Variants in DIP2B observed in about 807,000 individuals in gnomAD.
DIP2B encodes the protein disco-interacting protein 2 homolog B.
DIP2B carries 76 observed loss-of-function variants against 198.0 expected under a neutral mutation model. The observed-to-expected ratio is 0.38, with a 90% CI of 0.32 to 0.46. The LOEUF is 0.46. Ranked by LOEUF, DIP2B falls within the 20% of genes least tolerant of loss-of-function variation. DIP2B has a pLI of 0.99. For synonymous variants in DIP2B, 701 were observed against 739.1 expected (o/e 0.95, Z 0.84); for missense variants, 1,559 against 1,978.4 (o/e 0.79, Z 4.02).
chr12:50,729,067 A>T (rs141396523), intron 30 of DIP2B, among the ~76,000 whole-genome samples: 1 of 152,212 alleles, frequency 6.6e-6, no homozygotes, highest in East Asian at 1.9e-4. Context: ...CAGCATGTGG[A>T]TGGAAAGTAG....
At chr12:50,583,061 A>G (rs1056029469) in intron 1 of DIP2B, among the ~76,000 whole-genome samples, 2 of 152,218 alleles carry the variant, frequency 1.3e-5, no homozygotes, top group Non-Finnish European at 1.5e-5. Context: ...CGTATACACA[A>G]AGTGTTAGTA....
intron 1 of DIP2B, among the ~76,000 whole-genome samples, chr12:50,614,504 G>GT (rs1235801054): frequency 6.6e-6 from 1 of 152,124 alleles, no homozygotes; most frequent in Non-Finnish European, 1.5e-5. Context: ...TCTCTCTCCT[G>GT]TTGCCTGCTG....
intron 1 of DIP2B, among the ~76,000 whole-genome samples, chr12:50,516,276 G>T (rs116577717): frequency 0.01 from 1,282 of 122,914 alleles, 11 homozygotes; most frequent in African/African-American, 0.039. Flanking sequence ...TCTCTATATC[G>T]AGAGAGTCTT....
At chr12:50,554,314 A>G (rs1158610791) in intron 1 of DIP2B, among the ~76,000 whole-genome samples, 1 of 152,176 alleles carries the variant, frequency 6.6e-6, no homozygotes, top group African/African-American at 2.4e-5. Flanking sequence ...TATTAGATTG[A>G]TATTTAATAC....
At chr12:50,583,097 G>A (rs996803028) in intron 1 of DIP2B, among the ~76,000 whole-genome samples, 1 of 152,176 alleles carries the variant, frequency 6.6e-6, no homozygotes, top group Non-Finnish European at 1.5e-5. Context: ...ATAACCACAA[G>A]CCACAAATGG....
At chr12:50,693,571 T>G (rs1317904408) in intron 14 of DIP2B, among the ~76,000 whole-genome samples, 1 of 152,136 alleles carries the variant, frequency 6.6e-6, no homozygotes, top group Non-Finnish European at 1.5e-5. Context: ...GCATGGGAAA[T>G]GAATCATGAG....
rs1938986308 is a variant in DIP2B at position 50,678,538 on chromosome 12, TTTCTA to T, written c.917-140_917-136del. Reference sequence around the variant, plus strand: ...TTAAGGCCCAGTTTGTGGACCACCATTTCTAACCATGTCCTTTCTCAAAGTGAGTT... The same window carrying T: ...TTAAGGCCCAGTTTGTGGACCACCATACCATGTCCTTTCTCAAAGTGAGTT... On this transcript the variant is annotated intron_variant, in intron 7 of 37. Transcript: ENST00000301180. 9 of 897,732 alleles carry T rather than the reference TTTCTA, an allele frequency of 1.0e-5. No homozygotes were observed. The South Asian group carries it at 1.6e-4, about 16-fold the overall frequency. 55.6% of individuals were successfully genotyped at this position (897,732 alleles called of 1,614,324 possible). A position where few individuals can be genotyped will look rare whatever the true frequency, so the allele number is the denominator to read the frequency against.
intron 13 of DIP2B, 71 bp downstream of exon 13, chr12:50,691,222 T>A: frequency 2.3e-6 from 3 of 1,310,562 alleles, no homozygotes; most frequent in African/African-American, 1.5e-5. Context: ...CAATGCTCAG[T>A]GATTGGACCT....
At chr12:50,586,906 G>A (rs1479669355) in intron 1 of DIP2B, among the ~76,000 whole-genome samples, 3 of 152,088 alleles carry the variant, frequency 2.0e-5, no homozygotes, top group Admixed American at 6.6e-5. Context: ...TATTATAAAC[G>A]TTTTGATCAA....
chr12:50,666,225 G>C (rs934960050), intron 4 of DIP2B, among the ~76,000 whole-genome samples: 1 of 152,178 alleles, frequency 6.6e-6, no homozygotes, highest in Non-Finnish European at 1.5e-5. Flanking sequence ...TTGCTGATAA[G>C]AGTAATGTTA....
At position 50,623,392 on chromosome 12, in the gene DIP2B, TACACACACACACACAC is replaced by T. The variant is rs55689070; in HGVS notation, c.101-2553_101-2538del. Among the ~76,000 whole-genome samples, 40 of 94,442 alleles carry T rather than the reference TACACACACACACACAC, an allele frequency of 4.2e-4. 1 individual carries two copies. Among genetic ancestry groups the T allele is most frequent in the African/African-American group, 7.3e-4 (18 of 24,546 alleles). The allele number at this position is 94,442 out of a possible 152,430, so 62.0% of individuals were successfully genotyped here. ...ACCCTGCCTCCAAAATATATGTATCTACACACACACACACACACACACACACACACACACACACACA... is the reference window on the plus strand; with the variant it reads ...ACCCTGCCTCCAAAATATATGTATCTACACACACACACACACACACACACA... On this transcript the variant is annotated intron_variant, in intron 1 of 37. Transcript: ENST00000301180.
intron 1 of DIP2B, among the ~76,000 whole-genome samples, chr12:50,589,996 C>CTCTCTT (rs1296761770): frequency 6.6e-6 from 1 of 151,958 alleles, no homozygotes; most frequent in Non-Finnish European, 1.5e-5. Flanking sequence ...CTCTCTCTCT[C>CTCTCTT]TCTCTTTCTC....
At chr12:50,688,329 A>G (rs1565871227) in intron 12 of DIP2B, among the ~76,000 whole-genome samples, 1 of 152,194 alleles carries the variant, frequency 6.6e-6, no homozygotes, top group Non-Finnish European at 1.5e-5. Flanking sequence ...TTGTTTTTAA[A>G]GGTGAAACAG....
At position 50,640,710 on chromosome 12, in the gene DIP2B, A is replaced by G. The variant is rs1331783906; in HGVS notation, c.173-14A>G. The G allele has an allele frequency of 1.9e-6, 3 of 1,611,486 alleles. No homozygotes were observed. Among genetic ancestry groups the G allele is most frequent in the East Asian group, 2.2e-5 (1 of 44,816 alleles). ...CTGTTACTGGATAACCATCTTTTAA[A>G]CTTCCTTTTTTAGAAACTGATTCAG... is the stretch of plus-strand genomic sequence containing the variant. On this transcript the variant is annotated splice_polypyrimidine_tract_variant and intron_variant, in intron 2 of 37. Coordinates refer to ENST00000301180, the MANE Select transcript of DIP2B (RefSeq NM_173602.3).
chr12:50,651,431 C>T (rs1460129292), intron 3 of DIP2B, among the ~76,000 whole-genome samples: 2 of 152,186 alleles, frequency 1.3e-5, no homozygotes, highest in Admixed American at 6.5e-5. Context: ...TTTTTTCCCT[C>T]TATTTCCTTC....
At chr12:50,742,020 T>C (rs1191735513) in intron 37 of DIP2B, among the ~76,000 whole-genome samples, 5 of 152,174 alleles carry the variant, frequency 3.3e-5, no homozygotes, top group African/African-American at 1.2e-4. Context: ...TCATCCAGTT[T>C]CCTGCTCTTT....
At chr12:50,683,652 G>A (rs1378076920) in intron 10 of DIP2B, among the ~76,000 whole-genome samples, 1 of 152,020 alleles carries the variant, frequency 6.6e-6, no homozygotes, top group Non-Finnish European at 1.5e-5. Context: ...GCGTGGTGGC[G>A]GGCGCCTGTG....
At chr12:50,624,870 A>G (rs1292415536) in intron 1 of DIP2B, among the ~76,000 whole-genome samples, 3 of 152,102 alleles carry the variant, frequency 2.0e-5, no homozygotes, top group African/African-American at 7.2e-5. Context: ...AGCCCTTTTT[A>G]GTGATCCCTG....
chr12:50,568,549 A>T (rs1446328072), intron 1 of DIP2B, among the ~76,000 whole-genome samples: 3 of 152,210 alleles, frequency 2.0e-5, no homozygotes, highest in Non-Finnish European at 4.4e-5. Flanking sequence ...AAATTGGGCC[A>T]CCAGGACCAG....
Sources: allele counts gnomAD v4.1 joint callset (sites outside exome capture counted in the v4.1 genomes callset), GRCh38; gene constraint gnomAD v4.1.1; transcripts MANE v1.5; gene names NCBI Gene and HGNC (gene_info 2026-07-23, HGNC 2026-07-21).